The following SMIM41 variants were observed in gnomAD, a reference collection of about 807,000 sequenced individuals.
SMIM41 encodes the protein small integral membrane protein 41.
chr12:52,091,224 C>G (rs1939996913), intron 2 of SMIM41, among the ~76,000 whole-genome samples: 1 of 152,238 alleles, frequency 6.6e-6, no homozygotes, highest in African/African-American at 2.4e-5. Flanking sequence ...GCTCCATGGT[C>G]CCCTCTGCGT....
intron 2 of SMIM41, among the ~76,000 whole-genome samples, chr12:52,099,411 AG>A (rs1450765000): frequency 6.6e-6 from 1 of 151,862 alleles, no homozygotes; most frequent in Non-Finnish European, 1.5e-5. Flanking sequence ...ACAACATCAC[AG>A]GGGGGTGTCC....
At chr12:52,092,808 T>A (rs1940026534) in intron 2 of SMIM41, 1 of 152,228 alleles carries the variant, frequency 6.6e-6, no homozygotes, top group Non-Finnish European at 1.5e-5. Context: ...AGGATTGTAA[T>A]GCCATGTTAC....
intron 2 of SMIM41, among the ~76,000 whole-genome samples, chr12:52,097,959 C>T (rs889892898): frequency 2.6e-5 from 4 of 151,236 alleles, no homozygotes; most frequent in African/African-American, 4.9e-5. Flanking sequence ...CGCCCCCGCC[C>T]CCGGATATTA....
intron 2 of SMIM41, among the ~76,000 whole-genome samples, chr12:52,086,201 G>C (rs1939890379): frequency 6.6e-6 from 1 of 152,098 alleles, no homozygotes; most frequent in Non-Finnish European, 1.5e-5. Context: ...GGGTTGGCCA[G>C]GGGCCTCCAT....
At chr12:52,087,982 G>C (rs942162691) in intron 2 of SMIM41, among the ~76,000 whole-genome samples, 1 of 152,094 alleles carries the variant, frequency 6.6e-6, no homozygotes, top group East Asian at 1.9e-4. Flanking sequence ...GCCACCTCTC[G>C]GCCCGTGGCT....
At chr12:52,087,037 C>G (rs1029208223) in intron 2 of SMIM41, among the ~76,000 whole-genome samples, 1 of 152,164 alleles carries the variant, frequency 6.6e-6, no homozygotes, top group Non-Finnish European at 1.5e-5. Flanking sequence ...GCCTGGCCCT[C>G]GCTGCAGCCA....
At chr12:52,097,533 A>G (rs180810531) in intron 2 of SMIM41, among the ~76,000 whole-genome samples, 17 of 152,208 alleles carry the variant, frequency 1.1e-4, no homozygotes, top group African/African-American at 4.1e-4. Flanking sequence ...GCCACTGTGG[A>G]CACACAGTGT....
intron 1 of SMIM41, among the ~76,000 whole-genome samples, chr12:52,082,845 G>C (rs934298907): frequency 1.3e-5 from 2 of 152,146 alleles, no homozygotes; most frequent in Non-Finnish European, 2.9e-5. Flanking sequence ...GACGGGGGTG[G>C]CTCTCTCTAC....
chr12:52,094,140 A>AG (rs1565668200), intron 2 of SMIM41, among the ~76,000 whole-genome samples: 1 of 150,120 alleles, frequency 6.7e-6, no homozygotes, highest in Non-Finnish European at 1.5e-5. Flanking sequence ...CCGGAAAAAA[A>AG]AAAAAGAAAA....
At chr12:52,080,221 G>C in intron 1 of SMIM41, 40 bp downstream of exon 1, 1 of 277,354 alleles carries the variant, frequency 3.6e-6, no homozygotes, top group Non-Finnish European at 6.8e-6. Context: ...GCGGGGGTTC[G>C]GGGGGCTACA....
chr12:52,089,994 G>A (rs1939969849), intron 2 of SMIM41, among the ~76,000 whole-genome samples: 1 of 152,194 alleles, frequency 6.6e-6, no homozygotes, highest in Non-Finnish European at 1.5e-5. Flanking sequence ...AGGGTGCATG[G>A]AGAGAGCAGG....
intron 1 of SMIM41, among the ~76,000 whole-genome samples, chr12:52,083,254 G>A (rs187433210): frequency 1.3e-5 from 2 of 151,916 alleles, no homozygotes; most frequent in African/African-American, 4.8e-5. Context: ...GACAGTGACC[G>A]GCCCCTGCTG....
At chr12:52,101,294 G>A (rs987589390) in intron 2 of SMIM41, among the ~76,000 whole-genome samples, 36 of 152,168 alleles carry the variant, frequency 2.4e-4, no homozygotes, top group African/African-American at 8.4e-4. Flanking sequence ...GTGTGGTGAC[G>A]TGTGCCTGTA....
At chr12:52,088,125 G>A (rs1454530746) in intron 2 of SMIM41, among the ~76,000 whole-genome samples, 3 of 152,180 alleles carry the variant, frequency 2.0e-5, no homozygotes, top group East Asian at 1.9e-4. Context: ...CAGAGGGGTC[G>A]CTGTCCCACA....
At chr12:52,100,570 T>C (rs1313024802) in intron 2 of SMIM41, among the ~76,000 whole-genome samples, 3 of 151,770 alleles carry the variant, frequency 2.0e-5, no homozygotes, top group South Asian at 2.1e-4. Flanking sequence ...GATTCTCCTG[T>C]CTCAGCCTTC....
chr12:52,097,498 C>A (rs1163487423), intron 2 of SMIM41, among the ~76,000 whole-genome samples: 1 of 152,072 alleles, frequency 6.6e-6, no homozygotes, highest in Non-Finnish European at 1.5e-5. Flanking sequence ...TGATATCAAC[C>A]CCGGTCCCTC....
intron 2 of SMIM41, chr12:52,093,524 G>C (rs1316649264): frequency 2.0e-5 from 3 of 152,198 alleles, no homozygotes; most frequent in Non-Finnish European, 2.9e-5. Flanking sequence ...GGGTCAGTAG[G>C]CTGCGCCGTT....
At chr12:52,099,655 T>C (rs1345387622) in intron 2 of SMIM41, among the ~76,000 whole-genome samples, 1 of 152,044 alleles carries the variant, frequency 6.6e-6, no homozygotes, top group Non-Finnish European at 1.5e-5. Flanking sequence ...GGAACAACAT[T>C]ACAAGGGGGT....
intron 1 of SMIM41, among the ~76,000 whole-genome samples, chr12:52,082,866 G>A (rs895431914): frequency 1.3e-5 from 2 of 152,146 alleles, no homozygotes; most frequent in African/African-American, 4.8e-5. Context: ...AGATTCCTGA[G>A]CCCCACATCG....
Sources: gnomAD v4.1 joint callset for allele counts (sites outside exome capture counted in the v4.1 genomes callset) on GRCh38, gnomAD v4.1.1 for gene constraint, MANE v1.5 for transcripts, NCBI Gene and HGNC (gene_info 2026-07-23, HGNC 2026-07-21) for gene names.